The following LRRTM4 variants were observed in gnomAD, a reference collection of about 807,000 sequenced individuals.
The protein encoded by LRRTM4 is leucine rich repeat transmembrane neuronal 4.
Under a neutral mutation model 47.6 loss-of-function variants are expected in LRRTM4, and 25 were observed. The ratio of observed to expected loss-of-function variants is 0.53; its 90% CI spans 0.38 to 0.73. The LOEUF (loss-of-function observed/expected upper bound fraction) is 0.73. Among genes scored for constraint, LRRTM4 ranks in the 30% least tolerant of loss-of-function variants. LRRTM4 has a pLI of 0.00. For missense variants in LRRTM4, 638 were observed against 713.4 expected, an observed-to-expected ratio of 0.89 and a Z score of 1.20; for synonymous variants, 311 against 269.5, an observed-to-expected ratio of 1.15 and a Z score of -1.51.
intron 3 of LRRTM4, among the ~76,000 whole-genome samples, chr2:77,349,845 A>G (rs932346516): frequency 1.3e-5 from 2 of 152,178 alleles, no homozygotes; most frequent in South Asian, 4.1e-4. Context: ...AAATTACTTA[A>G]CTAGTGTTTT....
intron 3 of LRRTM4, among the ~76,000 whole-genome samples, chr2:77,316,298 C>A (rs769371478): frequency 3.9e-5 from 6 of 151,974 alleles, no homozygotes; most frequent in African/African-American, 9.7e-5. Context: ...TCTCAGCAAG[C>A]CTGAGAATTA....
chr2:76,971,802 A>C (rs968161113), intron 3 of LRRTM4, among the ~76,000 whole-genome samples: 7 of 152,076 alleles, frequency 4.6e-5, no homozygotes, highest in Admixed American at 2.0e-4. Context: ...ACAGAAAACA[A>C]CACCCTCCCA....
Position 77,053,862 on chromosome 2 carries a change from G to C in LRRTM4, c.1552-304946C>G, listed in dbSNP as rs529830799. On this transcript the variant is annotated intron_variant, in intron 3 of 3. Coordinates refer to ENST00000409884, the MANE Select transcript of LRRTM4 (RefSeq NM_001134745.3). ...AATATAGGTATCATACTAAGACAAT[G>C]GCTAAAGGAAATCAAATGAACTGAC... is the stretch of plus-strand genomic sequence containing the variant. Among the ~76,000 whole-genome samples, 103 of 152,182 alleles carry C rather than the reference G, an allele frequency of 6.8e-4. 2 individuals are homozygous for C. In the South Asian group the frequency reaches 0.02, roughly 29 times the overall value.
chr2:77,506,684 T>C (rs960559549), intron 3 of LRRTM4, among the ~76,000 whole-genome samples: 2 of 151,880 alleles, frequency 1.3e-5, no homozygotes, highest in African/African-American at 4.8e-5. Context: ...ATTTTGGCAA[T>C]GTGTTAAGTA....
intron 3 of LRRTM4, among the ~76,000 whole-genome samples, chr2:77,134,308 G>A (rs1671876410): frequency 6.6e-6 from 1 of 152,062 alleles, no homozygotes; most frequent in African/African-American, 2.4e-5. Flanking sequence ...TATTCTAAAA[G>A]TAGCCTAGAA....
intron 3 of LRRTM4, among the ~76,000 whole-genome samples, chr2:77,435,162 CA>C (rs752817692): frequency 6.6e-6 from 1 of 151,836 alleles, no homozygotes; most frequent in Non-Finnish European, 1.5e-5. Flanking sequence ...CTCTGGGGGG[CA>C]AAAGAGCCCC....
intron 3 of LRRTM4, among the ~76,000 whole-genome samples, chr2:77,163,749 G>C (rs886413425): frequency 3.3e-5 from 5 of 152,088 alleles, no homozygotes; most frequent in African/African-American, 1.2e-4. Context: ...CTTTACAGAA[G>C]AGCAAATGCT....
chr2:76,977,492 C>G (rs1348832828), intron 3 of LRRTM4, among the ~76,000 whole-genome samples: 1 of 151,802 alleles, frequency 6.6e-6, no homozygotes, highest in African/African-American at 2.4e-5. Context: ...ACTAAAATTT[C>G]TGAAGGCGAG....
At chr2:76,770,912 C>A (rs150685382) in intron 3 of LRRTM4, among the ~76,000 whole-genome samples, 8 of 152,152 alleles carry the variant, frequency 5.3e-5, no homozygotes, top group African/African-American at 1.9e-4. Context: ...TTCAAGTTAG[C>A]CTTTTCTCTG....
chr2:76,982,686 C>T (rs1435744322), intron 3 of LRRTM4, among the ~76,000 whole-genome samples: 7 of 151,832 alleles, frequency 4.6e-5, no homozygotes, highest in African/African-American at 1.5e-4. Flanking sequence ...CGGAGCTGTA[C>T]AAGCAAAGTC....
intron 3 of LRRTM4, among the ~76,000 whole-genome samples, chr2:77,086,476 A>ATTT (rs762359320): frequency 5.3e-5 from 7 of 131,142 alleles, no homozygotes; most frequent in South Asian, 2.5e-4. Context: ...ACATATAATA[A>ATTT]TTTTTTTTTT....
intron 3 of LRRTM4, among the ~76,000 whole-genome samples, chr2:77,342,167 T>C (rs1671395537): frequency 6.6e-6 from 1 of 151,918 alleles, no homozygotes; most frequent in East Asian, 1.9e-4. Flanking sequence ...TGTTTGCTTA[T>C]AGAGCACTCT....
At chr2:77,326,654 C>G (rs567420523) in intron 3 of LRRTM4, among the ~76,000 whole-genome samples, 9 of 152,154 alleles carry the variant, frequency 5.9e-5, no homozygotes, top group Non-Finnish European at 1.0e-4. Context: ...CCTTGGCCTC[C>G]CAAAGTGCTA....
chr2:77,092,378 C>T (rs1243304073), intron 3 of LRRTM4, among the ~76,000 whole-genome samples: 1 of 150,820 alleles, frequency 6.6e-6, no homozygotes, highest in Admixed American at 6.6e-5. Flanking sequence ...TTCCACCAGG[C>T]CTAATTGCCA....
chr2:77,163,163 G>T (rs773905778), intron 3 of LRRTM4, among the ~76,000 whole-genome samples: 17 of 152,044 alleles, frequency 1.1e-4, no homozygotes, highest in Admixed American at 3.9e-4. Flanking sequence ...ACCATGGCAC[G>T]AGAACTATGT....
intron 3 of LRRTM4, among the ~76,000 whole-genome samples, chr2:76,757,619 C>A: frequency 6.6e-6 from 1 of 152,058 alleles, no homozygotes; most frequent in East Asian, 1.9e-4. Flanking sequence ...AAAGTCTCCC[C>A]AATAGTGCAT....
chr2:76,774,255 G>A (rs562421233), intron 3 of LRRTM4, among the ~76,000 whole-genome samples: 39 of 151,704 alleles, frequency 2.6e-4, no homozygotes, highest in Non-Finnish European at 4.4e-4. Context: ...TGCAATCTTG[G>A]CTCACTGCAA....
intron 3 of LRRTM4, among the ~76,000 whole-genome samples, chr2:77,448,572 G>T (rs1676140577): frequency 6.6e-6 from 1 of 151,800 alleles, no homozygotes; most frequent in South Asian, 2.1e-4. Flanking sequence ...GAGAAGAACT[G>T]GGAAGTTCAT....
intron 3 of LRRTM4, among the ~76,000 whole-genome samples, chr2:76,898,554 A>C (rs1377072671): frequency 2.5e-4 from 16 of 64,652 alleles, no homozygotes; most frequent in African/African-American, 1.1e-3. Context: ...GCTCCGTCTC[A>C]AAAAAAAAAA....
Sources: gnomAD v4.1 joint callset for allele counts (sites outside exome capture counted in the v4.1 genomes callset) on GRCh38, gnomAD v4.1.1 for gene constraint, MANE v1.5 for transcripts, NCBI Gene and HGNC (gene_info 2026-07-23, HGNC 2026-07-21) for gene names.